The following NEK5 variants were observed in gnomAD, a reference collection of about 807,000 sequenced individuals.
NEK5 encodes the protein serine/threonine-protein kinase Nek5.
Under a neutral mutation model 109.2 loss-of-function variants are expected in NEK5, and 88 were observed. That is an observed-to-expected ratio of 0.81 (90% CI 0.68 to 0.96). NEK5 has a LOEUF of 0.96. Ranked by LOEUF, NEK5 falls within the 40% of genes least tolerant of loss-of-function variation. NEK5 has a pLI of 0.00. For synonymous variants in NEK5, 283 were observed against 299.9 expected, an observed-to-expected ratio of 0.94 and a Z score of 0.58; for missense variants, 834 against 920.7, an observed-to-expected ratio of 0.91 and a Z score of 1.22.
intron 3 of NEK5, among the ~76,000 whole-genome samples, chr13:52,124,095 A>T (rs1290551152): frequency 1.3e-5 from 2 of 152,168 alleles, no homozygotes; most frequent in Non-Finnish European, 2.9e-5. Context: ...GGATCACTTG[A>T]GGCCAGCCTG....
At chr13:52,128,823 C>G (rs954172483) in intron 1 of NEK5, 11 of 152,368 alleles carry the variant, frequency 7.2e-5, no homozygotes, top group Non-Finnish European at 1.5e-4. Flanking sequence ...AGACGCTTAC[C>G]CGTACCCGAC....
At chr13:52,067,763 C>T (rs1473756959) in intron 20 of NEK5, among the ~76,000 whole-genome samples, 1 of 148,790 alleles carries the variant, frequency 6.7e-6, no homozygotes, top group African/African-American at 2.5e-5. Context: ...ACAATCTTGT[C>T]TCACTGCAAC....
intron 4 of NEK5, among the ~76,000 whole-genome samples, chr13:52,117,256 T>TGGTTCTTATGATCAGAGATAAGC (rs1707892812): frequency 6.6e-6 from 1 of 152,114 alleles, no homozygotes; most frequent in African/African-American, 2.4e-5. Flanking sequence ...ATTAGAGCCA[T>TGGTTCTTATGATCAGAGATAAGC]GGTTCTTATG....
At chr13:52,054,719 C>A (rs1954538092) in intron 22 of NEK5, among the ~76,000 whole-genome samples, 1 of 152,224 alleles carries the variant, frequency 6.6e-6, no homozygotes, top group South Asian at 2.1e-4. Flanking sequence ...GGTACTCCAA[C>A]AGACCTGCAG....
intron 5 of NEK5, among the ~76,000 whole-genome samples, chr13:52,111,649 T>C (rs1212903586): frequency 6.6e-6 from 1 of 152,190 alleles, no homozygotes; most frequent in African/African-American, 2.4e-5. Flanking sequence ...CCATCAATCA[T>C]AAAGGAGCTA....
At chr13:52,073,951 T>G (rs1954822821) in intron 19 of NEK5, among the ~76,000 whole-genome samples, 1 of 151,988 alleles carries the variant, frequency 6.6e-6, no homozygotes, top group African/African-American at 2.4e-5. Flanking sequence ...CAAGAAGAGC[T>G]ACACAACACA....
chr13:52,089,344 G>C, intron 13 of NEK5, 31 bp from the exon 14 acceptor site: 1 of 1,461,742 alleles, frequency 6.8e-7, no homozygotes, highest in East Asian at 2.3e-5. Context: ...AGCTTAAGTA[G>C]AAACTTGAAC....
At chr13:52,074,025 C>T (rs1226014225) in intron 19 of NEK5, among the ~76,000 whole-genome samples, 1 of 151,934 alleles carries the variant, frequency 6.6e-6, no homozygotes, top group African/African-American at 2.4e-5. Flanking sequence ...TTGGAATAAT[C>T]AATATCATTA....
chr13:52,035,744 T>C lies in NEK5; in HGVS notation c.*1204A>G, dbSNP rs1054311430. 4 of 152,196 alleles carry C rather than the reference T, an allele frequency of 2.6e-5. No individual in the cohort carries two copies. Among genetic ancestry groups the C allele is most frequent in the Admixed American group, 6.5e-5 (1 of 15,272 alleles). The allele number at this position is 152,196 out of a possible 1,614,324, so 9.4% of individuals were successfully genotyped here. A position where few individuals can be genotyped will look rare whatever the true frequency, so the allele number is the denominator to read the frequency against. On this transcript the variant is annotated 3_prime_UTR_variant, in exon 24 of 24. Transcript: ENST00000684899. ...CCCTCAACCTATACACTTGAAACTA[T>C]TGGAAACTATTGAAACTATTAGACA...
chr13:52,093,245 AC>A lies in NEK5; in HGVS notation c.1027-11del, dbSNP rs752864656. 6.2e-7 allele frequency: 1 copy of A among 1,602,858 alleles called. No homozygotes were observed. The highest frequency in any genetic ancestry group is 8.5e-7 in the Non-Finnish European group (1 of 1,170,278). ...TTTCTATCATTTTTATCTGAAGAAAACAAGAGGGGATGTTTTTAAAAACCAT... is the reference window on the plus strand; with the variant it reads ...TTTCTATCATTTTTATCTGAAGAAAAAAGAGGGGATGTTTTTAAAAACCAT... On this transcript the variant is annotated splice_polypyrimidine_tract_variant and intron_variant, in intron 12 of 23. Transcript: ENST00000684899.
At chr13:52,074,927 C>A (rs978539441) in intron 19 of NEK5, among the ~76,000 whole-genome samples, 1 of 152,140 alleles carries the variant, frequency 6.6e-6, no homozygotes, top group East Asian at 1.9e-4. Flanking sequence ...CAATGAGACA[C>A]CATCTCACAC....
chr13:52,119,402 T>C lies in NEK5; in HGVS notation c.131A>G (p.Glu44Gly), dbSNP rs144473736. Residue 44 changes from glutamate (E) to glycine (G), a missense_variant, in exon 4 of 24, where the codon GAA becomes GGA. This residue lies in a region of NEK5 where 777 missense variants were observed against 824.7 expected (regional missense o/e 0.94). Coordinates refer to ENST00000684899, the MANE Select transcript of NEK5 (RefSeq NM_001365552.1). ...CACTTCTTTCTTTGAAGCTTCTTTTTCTTGTATGGGCATCTAAATTACATT... is the reference window on the plus strand; with the variant it reads ...CACTTCTTTCTTTGAAGCTTCTTTTCCTTGTATGGGCATCTAAATTACATT... Reference protein sequence around the residue: ...EINFEKMPIQEKEASKKEVIL... With the variant: ...EINFEKMPIQGKEASKKEVIL... The C allele has an allele frequency of 2.4e-5, 38 of 1,585,934 alleles. No homozygotes were observed. In the African/African-American group the frequency reaches 4.0e-4, roughly 17 times the overall value.
intron 20 of NEK5, among the ~76,000 whole-genome samples, chr13:52,070,436 G>A (rs975446265): frequency 2.6e-5 from 4 of 152,192 alleles, no homozygotes; most frequent in South Asian, 2.1e-4. Flanking sequence ...GTGTTGTGGG[G>A]TGACCCAGAG....
chr13:52,110,576 A>T lies in NEK5; in HGVS notation c.314T>A (p.Ile105Asn). 1 of 1,602,564 alleles carries T rather than the reference A, an allele frequency of 6.2e-7. No individual in the cohort carries two copies. The highest frequency in any genetic ancestry group is 1.1e-5 in the South Asian group (1 of 90,466). Residue 105 changes from isoleucine (I) to asparagine (N), a missense_variant and splice_region_variant, in exon 6 of 24, where the codon ATC becomes AAC. This residue lies in a region of NEK5 where 777 missense variants were observed against 824.7 expected (regional missense o/e 0.94). Transcript: ENST00000684899. ...AGAAATCTGTACAAACCAACCGAGG[A>T]TCTATAGAGAGAACACAAAACAAAG... ...QRGVLFSEDQ[I>N]LGWFVQISLG...
chr13:52,078,580 C>T (rs530238607), intron 17 of NEK5, among the ~76,000 whole-genome samples: 2 of 140,674 alleles, frequency 1.4e-5, no homozygotes, highest in East Asian at 2.1e-4. Flanking sequence ...TCAATTATAT[C>T]TCAATAAAAC....
intron 22 of NEK5, among the ~76,000 whole-genome samples, chr13:52,061,416 T>C (rs566888724): frequency 6.6e-6 from 1 of 152,294 alleles, no homozygotes; most frequent in East Asian, 1.9e-4. Flanking sequence ...AAGCAGAATC[T>C]TGCTAAAAAT....
Position 52,086,243 on chromosome 13 carries a change from T to C in NEK5, c.1479+34A>G, listed in dbSNP as rs778268097. On this transcript the variant is annotated intron_variant, in intron 16 of 23. Coordinates refer to ENST00000684899, the MANE Select transcript of NEK5 (RefSeq NM_001365552.1). ...CTCAATTTAGTTAGCTCTAAATCGA[T>C]AGAACAATGTTTCCCCTAGAAGAAT... is the stretch of plus-strand genomic sequence containing the variant. 188 of 1,296,686 alleles carry C rather than the reference T, an allele frequency of 1.4e-4. No individual in the cohort carries two copies. In the Admixed American group the frequency reaches 3.1e-3, roughly 21 times the overall value. 80.3% of individuals were successfully genotyped at this position (1,296,686 alleles called of 1,614,324 possible).
chr13:52,117,599 C>T (rs1955885922), intron 4 of NEK5, among the ~76,000 whole-genome samples: 1 of 152,194 alleles, frequency 6.6e-6, no homozygotes, highest in Non-Finnish European at 1.5e-5. Flanking sequence ...ACTCCAGTCT[C>T]TAAAAGTGGT....
chr13:52,079,460 T>C (rs1954932234), intron 17 of NEK5, among the ~76,000 whole-genome samples: 1 of 152,226 alleles, frequency 6.6e-6, no homozygotes. Flanking sequence ...CCGCCACGCC[T>C]GACTGGTTTT....
Sources: allele counts gnomAD v4.1 joint callset (sites outside exome capture counted in the v4.1 genomes callset), GRCh38; gene constraint gnomAD v4.1.1; regional missense constraint gnomAD v4.1.1; transcripts MANE v1.5; gene names NCBI Gene and HGNC (gene_info 2026-07-23, HGNC 2026-07-21).